FANCA: variants seen among roughly 807,000 people sequenced by gnomAD.
The protein encoded by FANCA is Fanconi anemia group A protein.
FANCA carries 236 observed loss-of-function variants against 194.3 expected under a neutral mutation model. The ratio of observed to expected loss-of-function variants is 1.21; its 90% confidence interval spans 1.09 to 1.35. The LOEUF is 1.35. FANCA is among the 40% of genes most tolerant of loss of function. The pLI, the probability that FANCA is intolerant of heterozygous loss-of-function variation, is 0.00. For synonymous variants in FANCA, 1,014 were observed against 715.8 expected (o/e 1.42, Z -6.65); for missense variants, 2,628 against 1,813.9 (o/e 1.45, Z -8.15).
chr16:89,808,831 C>G (rs752664649), intron 5 of FANCA, among the ~76,000 whole-genome samples: 9 of 152,160 alleles, frequency 5.9e-5, no homozygotes, highest in Non-Finnish European at 1.2e-4. Flanking sequence ...GCTTTAGCCA[C>G]TCACTGTGAA....
intron 6 of FANCA, 79 bp from the exon 7 acceptor site, chr16:89,805,471 ATT>A (rs34937702): frequency 1.8e-6 from 2 of 1,084,210 alleles, no homozygotes; most frequent in South Asian, 1.4e-5. Context: ...ATATGTCCCA[ATT>A]TTTTTTTTGA....
intron 30 of FANCA, 33 bp downstream of exon 30, chr16:89,758,544 C>T (rs2038837356): frequency 6.2e-7 from 1 of 1,610,202 alleles, no homozygotes; most frequent in African/African-American, 1.3e-5. Context: ...TCCTGTCCCT[C>T]CAGAGAACCC....
At chr16:89,774,729 C>CAAAAAAAAAAA (rs780078944) in intron 21 of FANCA, among the ~76,000 whole-genome samples, 3,910 of 22,170 alleles carry the variant, frequency 0.18, 1,360 homozygotes, top group Non-Finnish European at 0.24. Context: ...GACTCTGTCT[C>CAAAAAAAAAAA]AAAAAAAAAA....
In FANCA at chr16:89,814,419, C is replaced by T. The variant is rs1026222598; in HGVS notation, c.283+101G>A. 7.9e-6 allele frequency: 7 copies of T among 890,826 alleles called. No homozygotes were observed. The East Asian group carries it at 1.3e-4, about 17-fold the overall frequency. 55.2% of individuals were successfully genotyped at this position (890,826 alleles called of 1,614,324 possible). A position where few individuals can be genotyped will look rare whatever the true frequency, so the allele number is the denominator to read the frequency against. ...ACTACACACACCAGTGGAAACCCAT[C>T]GCCTGAGAAAATTTACATTTCTACT... On this transcript the variant is annotated intron_variant, in intron 3 of 42. Coordinates refer to ENST00000389301, the MANE Select transcript of FANCA (RefSeq NM_000135.4).
chr16:89,746,415 C>G (rs1296402052), intron 35 of FANCA, among the ~76,000 whole-genome samples, 169 bp downstream of exon 35: 1 of 151,840 alleles, frequency 6.6e-6, no homozygotes, highest in African/African-American at 2.4e-5. Context: ...ATGTGCGGCC[C>G]TCATCTGCTA....
intron 28 of FANCA, among the ~76,000 whole-genome samples, chr16:89,764,544 G>T (rs1182115469): frequency 6.6e-6 from 1 of 152,180 alleles, no homozygotes; most frequent in Non-Finnish European, 1.5e-5. Context: ...GAGTTCAGGT[G>T]ATCAACCCGC....
chr16:89,766,724 A>AG (rs1353055293), intron 27 of FANCA, among the ~76,000 whole-genome samples: 1 of 152,110 alleles, frequency 6.6e-6, no homozygotes, highest in Non-Finnish European at 1.5e-5. Flanking sequence ...CAAAAAAAAA[A>AG]AAAAATTCCT....
intron 15 of FANCA, 111 bp downstream of exon 15, chr16:89,784,743 G>C (rs1598140396): frequency 2.4e-6 from 2 of 837,390 alleles, no homozygotes; most frequent in African/African-American, 1.7e-5. Context: ...GGGCCTGGCT[G>C]AGAGGCTCAG....
chr16:89,816,066 G>A (rs2041108118), intron 1 of FANCA, 80 bp from the exon 2 acceptor site: 3 of 1,073,424 alleles, frequency 2.8e-6, no homozygotes, highest in Admixed American at 1.8e-5. Flanking sequence ...GGTGGACGCC[G>A]CGGAGAAACC....
chr16:89,816,191 C>T, intron 1 of FANCA: 2 of 601,768 alleles, frequency 3.3e-6, no homozygotes, highest in Non-Finnish European at 6.1e-6. Flanking sequence ...CAGGAGGGCC[C>T]GAGGCAGGGG....
chr16:89,761,894 G>T, intron 29 of FANCA, 55 bp downstream of exon 29: 2 of 1,418,460 alleles, frequency 1.4e-6, no homozygotes, highest in Non-Finnish European at 1.0e-6. Context: ...CAAAGTGCTG[G>T]GATTATAGGT....
intron 15 of FANCA, among the ~76,000 whole-genome samples, chr16:89,783,333 G>A (rs544957009): frequency 5.3e-5 from 8 of 152,034 alleles, no homozygotes; most frequent in Non-Finnish European, 7.4e-5. Context: ...GGCAGATCAC[G>A]AGGTCAGGAG....
At chr16:89,772,537 G>C (rs1303826955) in intron 22 of FANCA, among the ~76,000 whole-genome samples, 5 of 150,910 alleles carry the variant, frequency 3.3e-5, no homozygotes, top group Admixed American at 1.3e-4. Flanking sequence ...CTCCATGTAG[G>C]CCAGGCACGG....
rs1424046556 is a variant in FANCA at position 89,738,533 on chromosome 16, A to G, written c.*68T>C. The stretch of plus-strand genomic sequence containing the variant: ...GTAATCCACTTTTTAGTGCAACAAG[A>G]GCTCCATGTTATGCTTGTAATAAAT... On this transcript the variant is annotated 3_prime_UTR_variant, in exon 43 of 43. Transcript: ENST00000389301. 8 of 1,604,832 alleles carry G rather than the reference A, an allele frequency of 5.0e-6. No individual in the cohort carries two copies. In the Admixed American group the frequency reaches 1.3e-4, roughly 27 times the overall value.
chr16:89,767,096 T>C (rs761918053), intron 27 of FANCA, 45 bp downstream of exon 27: 4 of 1,486,124 alleles, frequency 2.7e-6, no homozygotes. Context: ...TGCGTAAACC[T>C]GAAACGTATG....
At position 89,742,907 on chromosome 16, in the gene FANCA, G is replaced by C. The variant is rs773150877; in HGVS notation, c.3658C>G (p.Pro1220Ala). 1.2e-6 allele frequency: 2 copies of C among 1,614,152 alleles called. No individual in the cohort carries two copies. The highest frequency in any genetic ancestry group is 2.2e-5 in the East Asian group (1 of 44,888). ...GCAGCTGAGAGCCAGTCCGGGTTGG[G>C]TGCTGGGGAGGCAGCCTCAGGGGAG... Reference protein sequence around the residue: ...FLSPEAASPAPNPDWLSAAAL... With the variant: ...FLSPEAASPAANPDWLSAAAL... Residue 1220 changes from proline to alanine, a missense_variant, in exon 37 of 43, where the codon CCC (proline) becomes GCC (alanine). By Grantham distance (27) the Pro-to-Ala change is conservative (BLOSUM62 -1). Transcript: ENST00000389301.
chr16:89,740,281 A>C, intron 38 of FANCA, 182 bp from the exon 39 acceptor site: 1 of 631,834 alleles, frequency 1.6e-6, no homozygotes, highest in Non-Finnish European at 2.8e-6. Flanking sequence ...CTCAGGTAGG[A>C]GGCCAGGGAC....
At chr16:89,745,523 C>A (rs986340241) in intron 35 of FANCA, among the ~76,000 whole-genome samples, 1 of 132,932 alleles carries the variant, frequency 7.5e-6, no homozygotes, top group African/African-American at 3.3e-5. Flanking sequence ...AGGGACCACA[C>A]TGCCCTGAGC....
intron 5 of FANCA, among the ~76,000 whole-genome samples, chr16:89,809,709 C>G (rs2040802358): frequency 6.6e-6 from 1 of 151,942 alleles, no homozygotes. Flanking sequence ...AAAAATTAGC[C>G]AGGCATGGTG....
Sources: allele counts gnomAD v4.1 joint callset (sites outside exome capture counted in the v4.1 genomes callset), GRCh38; gene constraint gnomAD v4.1.1; transcripts MANE v1.5; gene names NCBI Gene and HGNC (gene_info 2026-07-23, HGNC 2026-07-21).